The following RNF115 variants were observed in gnomAD, a reference collection of about 807,000 sequenced individuals.
The protein encoded by RNF115 is ring finger protein 115.
RNF115 carries 31 observed loss-of-function variants against 39.2 expected under a neutral mutation model. The observed-to-expected ratio is 0.79, with a 90% CI of 0.59 to 1.07. RNF115 has a LOEUF of 1.07. Among genes scored for constraint, RNF115 ranks in the 50% least tolerant of loss-of-function variants. The pLI is 0.00. For missense variants in RNF115, 384 were observed against 381.7 expected (o/e 1.01, Z -0.05); for synonymous variants, 124 against 131.0 (o/e 0.95, Z 0.37).
chr1:145,746,946 G>T lies in RNF115; in HGVS notation c.835C>A (p.Arg279=). ...RKSLNGEDST[R]QSQSTEASAS... is the part of the protein sequence containing the mutation. ...GAGGCCTCAGTGCTCTGGCTTTGCCGAGTAGAGTCCTCACCATTTAAGCTC... is the reference window on the plus strand; with the variant it reads ...GAGGCCTCAGTGCTCTGGCTTTGCCTAGTAGAGTCCTCACCATTTAAGCTC... Residue 279 remains arginine, a synonymous_variant, in exon 9 of 9, where the codon CGG becomes AGG. Coordinates refer to ENST00000582693, the MANE Select transcript of RNF115 (RefSeq NM_014455.4). 6.2e-7 allele frequency: 1 copy of T among 1,614,034 alleles called. No individual in the cohort carries two copies. Among genetic ancestry groups the T allele is most frequent in the Non-Finnish European group, 8.5e-7 (1 of 1,179,952 alleles).
intron 4 of RNF115, among the ~76,000 whole-genome samples, chr1:145,762,982 T>C (rs1553714061): frequency 6.6e-6 from 1 of 151,994 alleles, no homozygotes; most frequent in East Asian, 1.9e-4. Context: ...AAGTAAGGAA[T>C]AATAAACACT....
intron 4 of RNF115, among the ~76,000 whole-genome samples, chr1:145,761,819 G>T (rs1024818439): frequency 6.6e-6 from 1 of 152,160 alleles, no homozygotes; most frequent in African/African-American, 2.4e-5. Flanking sequence ...GCACCAATGC[G>T]CCTGGAAAAG....
chr1:145,740,352 C>T lies in RNF115; in HGVS notation c.*6514G>A, dbSNP rs1657652607. The T allele has an allele frequency of 6.6e-6, 1 of 152,196 alleles. No individual in the cohort carries two copies. Among genetic ancestry groups the T allele is most frequent in the Non-Finnish European group, 1.5e-5 (1 of 68,026 alleles). The allele number at this position is 152,196 out of a possible 1,614,324, so 9.4% of individuals were successfully genotyped here. ...ACATTTAAGAGCATCAGATTACTAG[C>T]TCTGACTCAAACTAAGCGGAATATA... On this transcript the variant is annotated 3_prime_UTR_variant, in exon 9 of 9. Coordinates refer to ENST00000582693, the MANE Select transcript of RNF115 (RefSeq NM_014455.4).
At chr1:145,763,389 G>T (rs1262251464) in intron 4 of RNF115, among the ~76,000 whole-genome samples, 1 of 152,074 alleles carries the variant, frequency 6.6e-6, no homozygotes, top group South Asian at 2.1e-4. Flanking sequence ...AAAAACAAAA[G>T]AGTAAAGCAC....
At chr1:145,792,620 TAC>T (rs1206618924) in intron 1 of RNF115, among the ~76,000 whole-genome samples, 3 of 152,082 alleles carry the variant, frequency 2.0e-5, no homozygotes, top group African/African-American at 4.8e-5. Context: ...CAGAAACAAA[TAC>T]AGAGTTTGCC....
chr1:145,763,401 A>G (rs1010412314), intron 4 of RNF115, among the ~76,000 whole-genome samples: 2 of 152,172 alleles, frequency 1.3e-5, no homozygotes, highest in Non-Finnish European at 2.9e-5. Flanking sequence ...GTAAAGCACA[A>G]TAAAATAAAA....
intron 7 of RNF115, among the ~76,000 whole-genome samples, chr1:145,750,188 T>C (rs1231081239): frequency 6.6e-6 from 1 of 152,164 alleles, no homozygotes; most frequent in African/African-American, 2.4e-5. Flanking sequence ...ACTAACCTAA[T>C]AAAGGGGTAG....
chr1:145,764,355 G>A (rs1571722444), intron 4 of RNF115, among the ~76,000 whole-genome samples: 2 of 152,096 alleles, frequency 1.3e-5, no homozygotes, highest in African/African-American at 4.8e-5. Flanking sequence ...GAAGTGAGGA[G>A]CGTCTCTGCC....
At chr1:145,767,608 G>A (rs1647403304) in intron 4 of RNF115, among the ~76,000 whole-genome samples, 1 of 152,240 alleles carries the variant, frequency 6.6e-6, no homozygotes, top group Non-Finnish European at 1.5e-5. Flanking sequence ...GCACTTTGGG[G>A]GGCCAAGGCA....
rs112099960 is a variant in RNF115, at chr1:145,795,644, G to T, written c.103-6678C>A. The stretch of plus-strand genomic sequence containing the variant: ...TTCACCTCTCAGTTCTAGGAACCAG[G>T]CTGTCAACCACTACAGCTCCCGCAC... On this transcript the variant is annotated intron_variant, in intron 1 of 8. Transcript: ENST00000582693. Among the ~76,000 whole-genome samples the T allele has an allele frequency of 6.4e-3, 970 of 152,174 alleles. 11 individuals carry two copies. The highest frequency in any genetic ancestry group is 0.022 in the African/African-American group (930 of 41,516).
chr1:145,766,936 GGCTGAC>G (rs1255046015), intron 4 of RNF115, among the ~76,000 whole-genome samples: 892 of 45,262 alleles, frequency 0.02, 130 homozygotes, highest in East Asian at 0.045. Flanking sequence ...CCGGGCGGGG[GGCTGAC>G]CTGACCCCCC....
At chr1:145,787,833 G>A (rs1165900898) in intron 2 of RNF115, among the ~76,000 whole-genome samples, 1 of 151,674 alleles carries the variant, frequency 6.6e-6, no homozygotes, top group Non-Finnish European at 1.5e-5. Flanking sequence ...AGGTTGCAGT[G>A]AGCCGAGATC....
intron 1 of RNF115, among the ~76,000 whole-genome samples, chr1:145,822,004 AAC>A (rs1201814025): frequency 6.6e-6 from 1 of 151,688 alleles, no homozygotes; most frequent in African/African-American, 2.4e-5. Flanking sequence ...AAAAAACATA[AAC>A]ACACAGCAAA....
chr1:145,751,350 C>A (rs1571706165), intron 6 of RNF115, 88 bp downstream of exon 6: 2 of 890,658 alleles, frequency 2.2e-6, no homozygotes, highest in East Asian at 5.4e-5. Context: ...AGAGTGACTG[C>A]CATTTCAGAA....
intron 4 of RNF115, among the ~76,000 whole-genome samples, chr1:145,770,394 T>C (rs1461628790): frequency 6.6e-6 from 1 of 152,074 alleles, no homozygotes; most frequent in East Asian, 1.9e-4. Flanking sequence ...AACAGCACTG[T>C]TCAATAGAAC....
intron 4 of RNF115, among the ~76,000 whole-genome samples, chr1:145,764,203 T>C (rs1035013058): frequency 6.6e-6 from 1 of 152,278 alleles, no homozygotes; most frequent in African/African-American, 2.4e-5. Context: ...GACGGAGTCT[T>C]GTTCACTCAG....
In RNF115 at chr1:145,771,726, G is replaced by A. The variant is rs782689724; in HGVS notation, c.413C>T (p.Ser138Phe). The A allele has an allele frequency of 6.2e-7, 1 of 1,613,720 alleles. No individual in the cohort carries two copies. The highest frequency in any genetic ancestry group is 1.7e-5 in the Admixed American group (1 of 59,974). ...RSRGSSRPDR[S>F]PAIEGILQHI... ...AACAACTCACCCTTCAATAGCTGGA[G>A]ATCTGTCAGGACGAGAACTTCCTCG... is the stretch of plus-strand genomic sequence containing the variant. Residue 138 changes from serine (S) to phenylalanine (F), a missense_variant, in exon 4 of 9, where the codon TCT (serine) becomes TTT (phenylalanine). Coordinates refer to ENST00000582693, the MANE Select transcript of RNF115 (RefSeq NM_014455.4).
chr1:145,789,470 C>T (rs1553718613), intron 1 of RNF115, among the ~76,000 whole-genome samples: 1 of 151,626 alleles, frequency 6.6e-6, no homozygotes, highest in African/African-American at 2.4e-5. Flanking sequence ...ATGATCTCGG[C>T]TCACGGCAAC....
chr1:145,785,906 T>C (rs777919690), intron 2 of RNF115, among the ~76,000 whole-genome samples: 18 of 152,214 alleles, frequency 1.2e-4, no homozygotes, highest in Admixed American at 1.2e-3. Context: ...TGTACATCTA[T>C]GCTAAATAAA....
Sources: allele counts gnomAD v4.1 joint callset (sites outside exome capture counted in the v4.1 genomes callset), GRCh38; gene constraint gnomAD v4.1.1; transcripts MANE v1.5; gene names NCBI Gene and HGNC (gene_info 2026-07-23, HGNC 2026-07-21).